Variants in NRXN1 observed in about 807,000 individuals in gnomAD.
NRXN1 encodes the protein neurexin-1.
In NRXN1, 39 loss-of-function variants were observed where a neutral mutation model predicts 150.9. The observed-to-expected ratio is 0.26, with a 90% CI of 0.20 to 0.34. NRXN1 has a LOEUF of 0.34. NRXN1 is among the 10% of genes least tolerant of loss of function. The probability of loss-of-function intolerance (pLI) is 1.00; values close to 1 mark genes in which losing one functional copy is unlikely to be tolerated. For missense variants in NRXN1, 1,815 were observed against 1,949.9 expected, an observed-to-expected ratio of 0.93 and a Z score of 1.30; for synonymous variants, 924 against 757.0, an observed-to-expected ratio of 1.22 and a Z score of -3.62.
intron 21 of NRXN1, among the ~76,000 whole-genome samples, chr2:50,033,760 G>T (rs1573523344): frequency 6.6e-6 from 1 of 151,410 alleles, no homozygotes; most frequent in East Asian, 1.9e-4. Flanking sequence ...CCATCTATAA[G>T]GAATTTAAAC....
chr2:50,280,140 T>C (rs1403759570), intron 17 of NRXN1, among the ~76,000 whole-genome samples: 3 of 151,558 alleles, frequency 2.0e-5, no homozygotes, highest in Admixed American at 6.6e-5. Flanking sequence ...TAGCAGGGCG[T>C]GGTGGCGGGC....
chr2:49,993,044 A>C (rs1354275728), intron 21 of NRXN1, among the ~76,000 whole-genome samples: 1 of 152,206 alleles, frequency 6.6e-6, no homozygotes, highest in African/African-American at 2.4e-5. Flanking sequence ...ACAATCCAGC[A>C]ATCACTCTGC....
intron 22 of NRXN1, among the ~76,000 whole-genome samples, chr2:49,934,501 A>G (rs2104254802): frequency 6.6e-6 from 1 of 152,316 alleles, no homozygotes. Flanking sequence ...TGCTGTCATG[A>G]GGCTATTTCT....
At chr2:50,859,264 C>T (rs1192429498) in intron 5 of NRXN1, among the ~76,000 whole-genome samples, 2 of 151,958 alleles carry the variant, frequency 1.3e-5, no homozygotes, top group African/African-American at 2.4e-5. Context: ...CCCACCAGAC[C>T]TCTGCATTTC....
intron 5 of NRXN1, among the ~76,000 whole-genome samples, chr2:50,660,081 C>T (rs577614634): frequency 7.2e-5 from 11 of 152,140 alleles, no homozygotes; most frequent in African/African-American, 2.4e-4. Context: ...TGCCTCCTAT[C>T]CACTGCACTT....
chr2:50,829,672 G>A, intron 5 of NRXN1: 1 of 1,611,260 alleles, frequency 6.2e-7, no homozygotes. Context: ...ATAACAGGCT[G>A]ACACAGCGGA....
At chr2:50,031,178 C>G (rs1214689312) in intron 21 of NRXN1, among the ~76,000 whole-genome samples, 1 of 152,026 alleles carries the variant, frequency 6.6e-6, no homozygotes, top group East Asian at 1.9e-4. Flanking sequence ...GATGCCAACA[C>G]TCATCTTTAT....
intron 15 of NRXN1, among the ~76,000 whole-genome samples, chr2:50,489,066 G>A (rs1394292491): frequency 1.3e-5 from 2 of 152,192 alleles, no homozygotes; most frequent in Admixed American, 6.5e-5. Flanking sequence ...CTGCTGGGAC[G>A]TGGTAAACTG....
In NRXN1 at chr2:50,725,404, A is replaced by G. The variant is rs1312689891; in HGVS notation, c.833-101789T>C. ...AACAGCAAACTGAGACAGGTATTGC[A>G]GTACTTAAGTAAAGTGATGGGTAGC... On this transcript the variant is annotated intron_variant, in intron 5 of 22. Coordinates refer to ENST00000401669, the MANE Select transcript of NRXN1 (RefSeq NM_001330078.2). Among the ~76,000 whole-genome samples the G allele has an allele frequency of 2.6e-5, 4 of 152,174 alleles. No homozygotes were observed. In the East Asian group the frequency reaches 7.7e-4, roughly 29 times the overall value.
At position 50,963,016 on chromosome 2, in the gene NRXN1, T is replaced by C. The variant is rs577253769; in HGVS notation, c.773-37061A>G. On this transcript the variant is annotated intron_variant, in intron 2 of 22. Transcript: ENST00000401669. ...AAGTAGGTTATAGGAATAGTTACTT[T>C]ACAACAGATTTTTCCCAAGGAAAAG... is the stretch of plus-strand genomic sequence containing the variant. Among the ~76,000 whole-genome samples, 23 of 151,844 alleles carry C rather than the reference T, an allele frequency of 1.5e-4. No homozygotes were observed. The South Asian group carries it at 4.8e-3, about 31-fold the overall frequency.
intron 5 of NRXN1, among the ~76,000 whole-genome samples, chr2:50,757,140 G>A (rs766629391): frequency 5.9e-5 from 9 of 151,838 alleles, no homozygotes; most frequent in Non-Finnish European, 7.4e-5. Context: ...GTGCCTCTCA[G>A]TTGCGCAAAG....
At chr2:50,216,363 A>T (rs117360070) in intron 18 of NRXN1, among the ~76,000 whole-genome samples, 1,715 of 152,206 alleles carry the variant, frequency 0.011, 90 homozygotes, top group East Asian at 0.074. Flanking sequence ...TGAAAGAGCA[A>T]CACAGTATGA....
At chr2:50,432,773 T>G (rs996329174) in intron 17 of NRXN1, among the ~76,000 whole-genome samples, 17 of 152,242 alleles carry the variant, frequency 1.1e-4, no homozygotes, top group African/African-American at 4.1e-4. Flanking sequence ...AGGCATGTAC[T>G]CATCTTATTC....
At chr2:50,982,841 T>G (rs747672299) in intron 2 of NRXN1, among the ~76,000 whole-genome samples, 20 of 152,108 alleles carry the variant, frequency 1.3e-4, no homozygotes, top group Admixed American at 2.0e-4. Flanking sequence ...AAATGTATTA[T>G]TCCCTTTCCA....
intron 8 of NRXN1, among the ~76,000 whole-genome samples, chr2:50,579,092 A>G (rs1240713212): frequency 6.6e-6 from 1 of 152,184 alleles, no homozygotes; most frequent in African/African-American, 2.4e-5. Context: ...CTTAAGTCAT[A>G]TGATCCTAAT....
intron 2 of NRXN1, among the ~76,000 whole-genome samples, chr2:50,986,812 G>GA (rs1177771237): frequency 6.6e-6 from 1 of 151,374 alleles, no homozygotes; most frequent in Non-Finnish European, 1.5e-5. Flanking sequence ...GCAACTCACA[G>GA]AAAAAATGCT....
At chr2:50,668,396 A>G (rs1688368697) in intron 5 of NRXN1, among the ~76,000 whole-genome samples, 2 of 152,146 alleles carry the variant, frequency 1.3e-5, no homozygotes, top group Admixed American at 1.3e-4. Flanking sequence ...TTATTAAATC[A>G]TTACTGCAAT....
rs773310560 is a variant in NRXN1 at position 51,027,720 on chromosome 2, C to T, written c.554G>A (p.Arg185His). ...REREPFKGWIRDVRVNSSQVL... is the reference protein window; with the variant it reads ...REREPFKGWIHDVRVNSSQVL... ...CTGCGAGGAGTTGACCCTCACGTCA[C>T]GAATCCACCCCTTGAAGGGCTCCCG... Residue 185 changes from arginine to histidine, a missense_variant, in exon 2 of 23, where the codon CGT (arginine) becomes CAT (histidine). Coordinates refer to ENST00000401669, the MANE Select transcript of NRXN1 (RefSeq NM_001330078.2). 6 of 1,609,702 alleles carry T rather than the reference C, an allele frequency of 3.7e-6. No individual in the cohort carries two copies. The highest frequency in any genetic ancestry group is 2.2e-5 in the South Asian group (2 of 90,482).
intron 18 of NRXN1, among the ~76,000 whole-genome samples, chr2:50,199,670 T>C (rs561352309): frequency 2.9e-4 from 44 of 152,220 alleles, no homozygotes; most frequent in African/African-American, 9.1e-4. Context: ...GAAGGATTTG[T>C]CAGTGAATTG....
Sources: gnomAD v4.1 joint callset for allele counts (sites outside exome capture counted in the v4.1 genomes callset) on GRCh38, gnomAD v4.1.1 for gene constraint, MANE v1.5 for transcripts, NCBI Gene and HGNC (gene_info 2026-07-23, HGNC 2026-07-21) for gene names.